The following RFX4 variants were observed in gnomAD, a reference collection of about 807,000 sequenced individuals.
RFX4 encodes transcription factor RFX4.
A neutral mutation model predicts 95.0 loss-of-function variants in RFX4; 10 were observed. The ratio of observed to expected loss-of-function variants is 0.11; its 90% CI spans 0.06 to 0.18. The LOEUF (loss-of-function observed/expected upper bound fraction) is 0.18. Ranked by LOEUF, RFX4 falls within the 10% of genes least tolerant of loss-of-function variation. The probability of loss-of-function intolerance (pLI) is 1.00; values close to 1 mark genes in which losing one functional copy is unlikely to be tolerated. For missense variants in RFX4, 640 were observed against 922.0 expected (o/e 0.69, Z 3.96); for synonymous variants, 321 against 340.7 (o/e 0.94, Z 0.64).
chr12:106,603,419 G>A (rs2039754711), intron 1 of RFX4, among the ~76,000 whole-genome samples: 3 of 152,330 alleles, frequency 2.0e-5, no homozygotes, highest in Admixed American at 6.5e-5. Context: ...AGTCCAAAGT[G>A]CAGAGGCATA....
intron 7 of RFX4, among the ~76,000 whole-genome samples, chr12:106,691,450 A>T (rs953745671): frequency 1.3e-5 from 2 of 152,204 alleles, no homozygotes; most frequent in African/African-American, 4.8e-5. Flanking sequence ...TGCTTTTAAG[A>T]TAGCTAATTC....
chr12:106,602,772 C>G (rs1484925134), intron 1 of RFX4, among the ~76,000 whole-genome samples: 1 of 152,136 alleles, frequency 6.6e-6, no homozygotes, highest in African/African-American at 2.4e-5. Context: ...GAGAATCCCC[C>G]CTCCTTGTCT....
chr12:106,679,404 G>A (rs1468627505), intron 4 of RFX4, among the ~76,000 whole-genome samples: 1 of 151,948 alleles, frequency 6.6e-6, no homozygotes, highest in Admixed American at 6.6e-5. Flanking sequence ...GCAGTGAGCT[G>A]AGCCATGCCA....
intron 7 of RFX4, 55 bp from the exon 8 acceptor site, chr12:106,696,228 C>T: frequency 6.3e-7 from 1 of 1,597,696 alleles, no homozygotes. Context: ...TCCCAAGCTT[C>T]TGTTGGGAGG....
At chr12:106,721,274 T>G (rs2042391281) in intron 13 of RFX4, among the ~76,000 whole-genome samples, 1 of 152,226 alleles carries the variant, frequency 6.6e-6, no homozygotes, top group African/African-American at 2.4e-5. Flanking sequence ...ATGGCTTGAT[T>G]GACCATACTC....
At chr12:106,611,586 C>A (rs764890157) in intron 2 of RFX4, among the ~76,000 whole-genome samples, 14 of 151,888 alleles carry the variant, frequency 9.2e-5, no homozygotes, top group Non-Finnish European at 1.8e-4. Flanking sequence ...TCTCGGCTCA[C>A]TGCAACCTCC....
At chr12:106,737,187 T>G (rs1191833516) in intron 15 of RFX4, among the ~76,000 whole-genome samples, 4 of 104,202 alleles carry the variant, frequency 3.8e-5, no homozygotes, top group African/African-American at 1.2e-4. Flanking sequence ...TTTTTTTTTT[T>G]TTTTTTTTTT....
chr12:106,583,463 C>T, intron 1 of RFX4, 100 bp downstream of exon 1: 2 of 1,158,970 alleles, frequency 1.7e-6, no homozygotes, highest in South Asian at 1.7e-5. Context: ...GACGGGTCAA[C>T]TTGACAGTGG....
intron 1 of RFX4, among the ~76,000 whole-genome samples, chr12:106,600,491 C>A (rs1592835908): frequency 6.6e-6 from 1 of 152,100 alleles, no homozygotes; most frequent in South Asian, 2.1e-4. Flanking sequence ...AACTGTCTAT[C>A]GAGGCTGTGT....
intron 2 of RFX4, among the ~76,000 whole-genome samples, chr12:106,615,824 T>C (rs1370796616): frequency 6.6e-6 from 1 of 152,244 alleles, no homozygotes; most frequent in Non-Finnish European, 1.5e-5. Context: ...TAACTTCATA[T>C]TTAGCCACTT....
At chr12:106,662,926 A>G (rs576745211) in intron 4 of RFX4, among the ~76,000 whole-genome samples, 27 of 152,160 alleles carry the variant, frequency 1.8e-4, no homozygotes, top group Middle Eastern at 3.4e-3. Flanking sequence ...CTATTTGTCT[A>G]TTCTTTTCCC....
intron 8 of RFX4, among the ~76,000 whole-genome samples, chr12:106,701,005 G>A (rs1225711116): frequency 1.3e-5 from 2 of 152,138 alleles, no homozygotes; most frequent in African/African-American, 4.8e-5. Flanking sequence ...TGTAATATAT[G>A]AGTTGGATAT....
At chr12:106,682,079 C>T in intron 5 of RFX4, 25 bp downstream of exon 5, 1 of 1,613,318 alleles carries the variant, frequency 6.2e-7, no homozygotes, top group African/African-American at 1.3e-5. Flanking sequence ...GCCATTCCAC[C>T]TGCAGAGCGC....
intron 10 of RFX4, 47 bp from the exon 11 acceptor site, chr12:106,715,353 G>C (rs1412979006): frequency 3.8e-5 from 60 of 1,593,680 alleles, no homozygotes; most frequent in Non-Finnish European, 5.1e-5. Flanking sequence ...ACAGTGAAAG[G>C]GTTTTAACAA....
intron 7 of RFX4, among the ~76,000 whole-genome samples, chr12:106,695,150 A>G (rs908355121): frequency 7.9e-5 from 12 of 152,204 alleles, no homozygotes; most frequent in African/African-American, 2.9e-4. Context: ...GATGTGGATA[A>G]TGCTACATGT....
At position 106,661,742 on chromosome 12, in the gene RFX4, C is replaced by G. The variant is rs185291185; in HGVS notation, c.315+7391C>G. ...GTCCTCTCTCCCTGTCCCCTAACCCCTGGTAACTACTGATCTTTTTACAGT... is the reference window on the plus strand; with the variant it reads ...GTCCTCTCTCCCTGTCCCCTAACCCGTGGTAACTACTGATCTTTTTACAGT... On this transcript the variant is annotated intron_variant, in intron 4 of 17. Transcript: ENST00000392842. Among the ~76,000 whole-genome samples, 141 of 152,328 alleles carry G rather than the reference C, an allele frequency of 9.3e-4. 1 individual carries two copies. The highest frequency in any genetic ancestry group is 1.1e-3 in the Non-Finnish European group (73 of 68,020).
At chr12:106,713,119 A>C (rs1207998592) in intron 10 of RFX4, among the ~76,000 whole-genome samples, 1 of 152,210 alleles carries the variant, frequency 6.6e-6, no homozygotes, top group Non-Finnish European at 1.5e-5. Context: ...CAGATCAGAC[A>C]GAGGACTAGG....
intron 17 of RFX4, among the ~76,000 whole-genome samples, chr12:106,753,097 G>A (rs1036766302): frequency 6.6e-6 from 1 of 152,070 alleles, no homozygotes; most frequent in African/African-American, 2.4e-5. Context: ...AACTGACCGT[G>A]ACACTTTCCC....
intron 15 of RFX4, among the ~76,000 whole-genome samples, chr12:106,739,400 C>G (rs1299133355): frequency 2.0e-5 from 3 of 152,080 alleles, no homozygotes; most frequent in African/African-American, 7.2e-5. Flanking sequence ...GAAAAAGGAA[C>G]AGTATTATGT....
Sources: allele counts gnomAD v4.1 joint callset (sites outside exome capture counted in the v4.1 genomes callset), GRCh38; gene constraint gnomAD v4.1.1; transcripts MANE v1.5; gene names NCBI Gene and HGNC (gene_info 2026-07-23, HGNC 2026-07-21).